SLC35F3: variants seen among roughly 807,000 people sequenced by gnomAD.
The protein encoded by SLC35F3 is solute carrier family 35 member F3.
A neutral mutation model predicts 49.9 loss-of-function variants in SLC35F3; 25 were observed. The ratio of observed to expected loss-of-function variants is 0.50; its 90% CI spans 0.37 to 0.70. The LOEUF is 0.70. SLC35F3 is among the 30% of genes least tolerant of loss of function. The pLI, the probability that SLC35F3 is intolerant of heterozygous loss-of-function variation, is 0.00. For missense variants in SLC35F3, 525 were observed against 639.8 expected (o/e 0.82, Z 1.94); for synonymous variants, 275 against 265.4 (o/e 1.04, Z -0.35).
chr1:233,988,425 A>G lies in SLC35F3; in HGVS notation c.283+82667A>G, dbSNP rs576815770. 3.3e-5 allele frequency among the ~76,000 whole-genome samples: 5 copies of G among 152,336 alleles called. No individual in the cohort carries two copies. The South Asian group carries it at 1.0e-3, about 32-fold the overall frequency. On this transcript the variant is annotated intron_variant, in intron 2 of 7. Transcript: ENST00000366618. ...CCAGAGCTCTTGCTTGTCTACACAT[A>G]TTCAGAATCTAACTGCTTCTGATAC...
chr1:234,119,877 T>A (rs1194369943), intron 2 of SLC35F3, among the ~76,000 whole-genome samples: 1 of 152,222 alleles, frequency 6.6e-6, no homozygotes, highest in East Asian at 1.9e-4. Context: ...ACACTCAATT[T>A]ACAGCCTCTA....
At chr1:234,234,262 G>A (rs1055875667) in intron 3 of SLC35F3, among the ~76,000 whole-genome samples, 2 of 152,168 alleles carry the variant, frequency 1.3e-5, no homozygotes, top group African/African-American at 4.8e-5. Flanking sequence ...CCACCAAGAG[G>A]GGAGCTGGAC....
At chr1:234,049,468 C>T (rs75123998) in intron 2 of SLC35F3, among the ~76,000 whole-genome samples, 161 of 152,094 alleles carry the variant, frequency 1.1e-3, no homozygotes, top group Non-Finnish European at 1.8e-3. Flanking sequence ...CAAGTTAGGA[C>T]GAGAATTCCC....
chr1:234,167,995 CAA>C (rs777755850), intron 2 of SLC35F3, among the ~76,000 whole-genome samples: 37 of 152,182 alleles, frequency 2.4e-4, no homozygotes, highest in Non-Finnish European at 4.3e-4. Context: ...CATTGTAGCC[CAA>C]GAGTAGTCAG....
At chr1:234,055,015 C>T (rs1009687976) in intron 2 of SLC35F3, among the ~76,000 whole-genome samples, 1 of 152,168 alleles carries the variant, frequency 6.6e-6, no homozygotes, top group Non-Finnish European at 1.5e-5. Context: ...AGCTTCGTCC[C>T]AGAGGGGCAC....
At chr1:234,259,174 G>A (rs1346909068) in intron 3 of SLC35F3, among the ~76,000 whole-genome samples, 1 of 152,138 alleles carries the variant, frequency 6.6e-6, no homozygotes, top group African/African-American at 2.4e-5. Flanking sequence ...TGGACAAGAT[G>A]ACCTCTAAAA....
chr1:234,203,976 C>T (rs190894735), intron 2 of SLC35F3, among the ~76,000 whole-genome samples: 5 of 152,286 alleles, frequency 3.3e-5, no homozygotes, highest in Admixed American at 3.3e-4. Context: ...ATGTAGTATG[C>T]ATACGGACTA....
intron 3 of SLC35F3, among the ~76,000 whole-genome samples, chr1:234,246,035 G>T (rs1187986466): frequency 2.0e-5 from 3 of 152,198 alleles, no homozygotes; most frequent in Non-Finnish European, 2.9e-5. Context: ...TCGGGGAAGA[G>T]TACATGGAAT....
intron 2 of SLC35F3, among the ~76,000 whole-genome samples, chr1:233,997,657 A>C (rs1022272337): frequency 6.6e-6 from 1 of 151,944 alleles, no homozygotes; most frequent in African/African-American, 2.4e-5. Flanking sequence ...CACAATACTG[A>C]TTCTTTTCTT....
At chr1:234,206,010 G>A (rs1380549859) in intron 2 of SLC35F3, among the ~76,000 whole-genome samples, 3 of 152,194 alleles carry the variant, frequency 2.0e-5, no homozygotes, top group African/African-American at 7.2e-5. Context: ...GGAGGATGGT[G>A]TGGAGAGGGA....
chr1:234,093,530 A>G (rs1665074960), intron 2 of SLC35F3, among the ~76,000 whole-genome samples: 1 of 152,176 alleles, frequency 6.6e-6, no homozygotes, highest in Admixed American at 6.5e-5. Flanking sequence ...TTCTTCCTAT[A>G]GGTTTTCTCC....
At chr1:234,077,956 A>G (rs1664821425) in intron 2 of SLC35F3, among the ~76,000 whole-genome samples, 1 of 152,198 alleles carries the variant, frequency 6.6e-6, no homozygotes. Context: ...GATGTCAGGG[A>G]GGAATTACTT....
At chr1:233,937,521 C>T (rs1662354362) in intron 2 of SLC35F3, among the ~76,000 whole-genome samples, 1 of 152,120 alleles carries the variant, frequency 6.6e-6, no homozygotes, top group African/African-American at 2.4e-5. Flanking sequence ...AAAATGAGGA[C>T]TTTTCCTATG....
intron 3 of SLC35F3, among the ~76,000 whole-genome samples, chr1:234,278,344 G>A (rs1668247355): frequency 6.6e-6 from 1 of 152,052 alleles, no homozygotes; most frequent in Non-Finnish European, 1.5e-5. Flanking sequence ...ACAAAAATTA[G>A]ACTGGTGCAA....
At chr1:234,316,494 C>T (rs765697217) in intron 4 of SLC35F3, 108 bp from the exon 5 acceptor site, 3 of 1,383,246 alleles carry the variant, frequency 2.2e-6, no homozygotes, top group Admixed American at 2.1e-5. Flanking sequence ...ACACCACTTT[C>T]CCCTCACGTG....
At position 234,027,898 on chromosome 1, in the gene SLC35F3, T is replaced by C. The variant is rs1394429306; in HGVS notation, c.283+122140T>C. Reference sequence around the variant, plus strand: ...CGTGTAAAAGCGAGGTAATTTCAGCTGGTGATAGCAACCATGTTGAGTAAG... The same window carrying C: ...CGTGTAAAAGCGAGGTAATTTCAGCCGGTGATAGCAACCATGTTGAGTAAG... On this transcript the variant is annotated intron_variant, in intron 2 of 7. Transcript: ENST00000366618. The surrounding 1 kb of genome is among the most constrained non-coding windows in gnomAD (Gnocchi z 4.1). 6.6e-6 allele frequency among the ~76,000 whole-genome samples: 1 copy of C among 152,148 alleles called. No individual in the cohort carries two copies. The highest frequency in any genetic ancestry group is 6.6e-5 in the Admixed American group (1 of 15,266).
rs974696744 is a variant in SLC35F3 at position 234,176,425 on chromosome 1, G to C, written c.284-54992G>C. Among the ~76,000 whole-genome samples, 22 of 152,328 alleles carry C rather than the reference G, an allele frequency of 1.4e-4. No homozygotes were observed. In the South Asian group the frequency reaches 4.6e-3, roughly 32 times the overall value. The stretch of plus-strand genomic sequence containing the variant: ...TGATGCGATGCTGTGAAGGGACTCA[G>C]CTGCAGTAACTCACGCTTGTTCCAC... On this transcript the variant is annotated intron_variant, in intron 2 of 7. Coordinates refer to ENST00000366618, the MANE Select transcript of SLC35F3 (RefSeq NM_173508.4).
At chr1:234,001,614 A>G (rs1663554905) in intron 2 of SLC35F3, among the ~76,000 whole-genome samples, 1 of 152,230 alleles carries the variant, frequency 6.6e-6, no homozygotes, top group African/African-American at 2.4e-5. Flanking sequence ...TCTGAGGCCA[A>G]CAGAAGTGAC....
chr1:234,015,346 T>TA lies in SLC35F3; in HGVS notation c.283+109588_283+109589insA, dbSNP rs1572020092. Reference sequence around the variant, plus strand: ...CTGGGCGACAGAGCAAGACTCTATATCAAAAAAAAAAAAAAAATGCAAGAA... The same window carrying TA: ...CTGGGCGACAGAGCAAGACTCTATATACAAAAAAAAAAAAAAAATGCAAGAA... On this transcript the variant is annotated intron_variant, in intron 2 of 7. Coordinates refer to ENST00000366618, the MANE Select transcript of SLC35F3 (RefSeq NM_173508.4). Among the ~76,000 whole-genome samples, 31 of 88,644 alleles carry TA rather than the reference T, an allele frequency of 3.5e-4. No individual in the cohort carries two copies. The East Asian group carries it at 0.016, about 46-fold the overall frequency. 58.2% of individuals were successfully genotyped at this position (88,644 alleles called of 152,430 possible). A position where few individuals can be genotyped will look rare whatever the true frequency, so the allele number is the denominator to read the frequency against.
Sources: allele counts gnomAD v4.1 joint callset (sites outside exome capture counted in the v4.1 genomes callset), GRCh38; gene constraint gnomAD v4.1.1; non-coding constraint Gnocchi (gnomAD v3.1); transcripts MANE v1.5; gene names NCBI Gene and HGNC (gene_info 2026-07-23, HGNC 2026-07-21).